AGBL4: variants seen among roughly 807,000 people sequenced by gnomAD.
AGBL4 encodes the protein cytosolic carboxypeptidase 6.
A neutral mutation model predicts 66.4 loss-of-function variants in AGBL4; 58 were observed. That is an observed-to-expected ratio of 0.87 (90% CI 0.71 to 1.09). The LOEUF (loss-of-function observed/expected upper bound fraction) is 1.09. Ranked by LOEUF, AGBL4 falls within the 50% of genes least tolerant of loss-of-function variation. The probability of loss-of-function intolerance (pLI) is 0.00; values close to 1 mark genes in which losing one functional copy is unlikely to be tolerated. For missense variants in AGBL4, 579 were observed against 631.0 expected (o/e 0.92, Z 0.88); for synonymous variants, 234 against 222.9 (o/e 1.05, Z -0.44).
chr1:49,167,017 T>C (rs1646648082), intron 4 of AGBL4, among the ~76,000 whole-genome samples: 1 of 152,192 alleles, frequency 6.6e-6, no homozygotes. Context: ...ATGTTTATAC[T>C]GTGGTTTCTT....
chr1:48,634,563 T>A lies in AGBL4; in HGVS notation c.881A>T (p.Asp294Val). The change falls in exon 9 of 14, where the codon GAT becomes GTT. Residue 294 changes from aspartate (D) to valine (V), a missense_variant. By Grantham distance (152) the Asp-to-Val change is radical. Coordinates refer to ENST00000371839, the MANE Select transcript of AGBL4 (RefSeq NM_032785.4). ...MGFDLNRHWL[D>V]PSPWVHPTLH... ...GGTAGGATGGACCCATGGAGAGGGA[T>A]CCAGCCAGTGACGATTCAGATCAAA... is the stretch of plus-strand genomic sequence containing the variant. The A allele has an allele frequency of 1.2e-6, 2 of 1,606,276 alleles. No individual in the cohort carries two copies. Among genetic ancestry groups the A allele is most frequent in the Non-Finnish European group, 1.7e-6 (2 of 1,176,436 alleles).
rs1039648231 is a variant in AGBL4, at chr1:49,470,420, T to G, written c.283-224556A>C. ...ATTTACTATCCGTTTCTCTATATCT[T>G]TGACCTCTAAACAATAAGATAGATA... On this transcript the variant is annotated intron_variant, in intron 3 of 13. Transcript: ENST00000371839. Among the ~76,000 whole-genome samples, 6 of 151,986 alleles carry G rather than the reference T, an allele frequency of 3.9e-5. 1 individual carries two copies. Among genetic ancestry groups the G allele is most frequent in the Non-Finnish European group, 8.8e-5 (6 of 67,974 alleles).
At chr1:48,761,374 T>C (rs1404636640) in intron 6 of AGBL4, 30 of 1,551,934 alleles carry the variant, frequency 1.9e-5, no homozygotes, top group Non-Finnish European at 2.6e-5. Context: ...TTCCCCATAA[T>C]CTTTAACCTC....
At chr1:49,214,113 A>G in intron 4 of AGBL4, among the ~76,000 whole-genome samples, 1 of 152,146 alleles carries the variant, frequency 6.6e-6, no homozygotes, top group East Asian at 1.9e-4. Flanking sequence ...ACAGACACAT[A>G]AACAGAGTTA....
At chr1:49,795,292 T>A (rs2147936532) in intron 2 of AGBL4, among the ~76,000 whole-genome samples, 2 of 152,096 alleles carry the variant, frequency 1.3e-5, no homozygotes, top group South Asian at 4.1e-4. Context: ...CAAGACATAC[T>A]ATGTACCCAG....
the AGBL4 span, among the ~76,000 whole-genome samples, chr1:48,524,448 C>G: frequency 6.6e-6 from 1 of 152,296 alleles, no homozygotes; most frequent in East Asian, 1.9e-4. Flanking sequence ...ACTGGCTTGG[C>G]TGAATCAGCC....
chr1:49,846,174 G>A, intron 2 of AGBL4: 1 of 1,458,612 alleles, frequency 6.9e-7, no homozygotes, highest in East Asian at 2.3e-5. Flanking sequence ...AATAAGTGTG[G>A]GAAATCCTTC....
At chr1:49,108,050 G>A (rs977891552) in intron 4 of AGBL4, among the ~76,000 whole-genome samples, 5 of 152,196 alleles carry the variant, frequency 3.3e-5, no homozygotes, top group African/African-American at 9.7e-5. Flanking sequence ...ACCTTGGCAA[G>A]TTATCTCTCT....
At chr1:48,606,539 G>A (rs902110161) in intron 9 of AGBL4, among the ~76,000 whole-genome samples, 1 of 152,148 alleles carries the variant, frequency 6.6e-6, no homozygotes, top group Non-Finnish European at 1.5e-5. Flanking sequence ...TGACACTTTG[G>A]AGAAATCACC....
chr1:48,847,216 C>T lies in AGBL4; in HGVS notation c.634+19975G>A, dbSNP rs373671359. ...TCGGGAGGCTGAGGCAGGAGAATCA[C>T]TTGAACCCAGGAAGCGGAGGTTGCA... On this transcript the variant is annotated intron_variant, in intron 6 of 13. Transcript: ENST00000371839. 4.9e-4 allele frequency among the ~76,000 whole-genome samples: 74 copies of T among 151,490 alleles called. 1 individual carries two copies. The South Asian group carries it at 9.8e-3, about 20-fold the overall frequency.
intron 3 of AGBL4, among the ~76,000 whole-genome samples, chr1:49,620,889 A>G (rs1054627366): frequency 6.6e-6 from 1 of 151,978 alleles, no homozygotes; most frequent in Non-Finnish European, 1.5e-5. Context: ...TTACTTGATT[A>G]AGTTATTTTC....
chr1:49,311,456 T>G (rs1644940212), intron 3 of AGBL4, among the ~76,000 whole-genome samples: 1 of 152,012 alleles, frequency 6.6e-6, no homozygotes, highest in Non-Finnish European at 1.5e-5. Context: ...TAAGAATAAA[T>G]AGCTTCCCCA....
intron 6 of AGBL4, among the ~76,000 whole-genome samples, chr1:48,790,054 A>T (rs1357440847): frequency 6.6e-6 from 1 of 152,242 alleles, no homozygotes; most frequent in Non-Finnish European, 1.5e-5. Flanking sequence ...AGCTGAAAGC[A>T]GAGTAGGAAG....
intron 2 of AGBL4, among the ~76,000 whole-genome samples, chr1:49,847,765 G>A (rs750232324): frequency 9.9e-5 from 15 of 151,178 alleles, no homozygotes; most frequent in Non-Finnish European, 1.6e-4. Flanking sequence ...GCAGTGGCGC[G>A]ATCTCGGCTC....
intron 3 of AGBL4, among the ~76,000 whole-genome samples, chr1:49,676,485 G>T (rs947506386): frequency 6.6e-6 from 1 of 152,030 alleles, no homozygotes; most frequent in African/African-American, 2.4e-5. Flanking sequence ...CCAAAGGAAA[G>T]ATAATTTTAT....
At chr1:49,592,214 C>G (rs1197101300) in intron 3 of AGBL4, among the ~76,000 whole-genome samples, 1 of 152,120 alleles carries the variant, frequency 6.6e-6, no homozygotes, top group Non-Finnish European at 1.5e-5. Flanking sequence ...CATCCAGAAT[C>G]TCCAAGGAAC....
At chr1:49,863,858 G>C (rs1228597135) in intron 1 of AGBL4, among the ~76,000 whole-genome samples, 10 of 152,166 alleles carry the variant, frequency 6.6e-5, no homozygotes, top group Non-Finnish European at 1.5e-5. Flanking sequence ...CCACCATGGA[G>C]AACAGTGTGG....
intron 1 of AGBL4, among the ~76,000 whole-genome samples, chr1:49,938,572 T>C (rs1289774152): frequency 2.6e-5 from 4 of 152,178 alleles, no homozygotes; most frequent in Middle Eastern, 3.2e-3. Flanking sequence ...ATATCCTTGA[T>C]GAACATTGAT....
intron 3 of AGBL4, among the ~76,000 whole-genome samples, chr1:49,667,867 A>G (rs1646400062): frequency 6.6e-6 from 1 of 152,216 alleles, no homozygotes; most frequent in Non-Finnish European, 1.5e-5. Flanking sequence ...ACCAACAGAT[A>G]GGGATTTTTG....
Sources: allele counts gnomAD v4.1 joint callset (sites outside exome capture counted in the v4.1 genomes callset), GRCh38; gene constraint gnomAD v4.1.1; transcripts MANE v1.5; gene names NCBI Gene and HGNC (gene_info 2026-07-23, HGNC 2026-07-21).